The following TNRC6B variants were observed in gnomAD, a reference collection of about 807,000 sequenced individuals.
TNRC6B encodes the protein trinucleotide repeat containing adaptor 6B.
A neutral mutation model predicts 203.6 loss-of-function variants in TNRC6B; 52 were observed. The observed-to-expected ratio is 0.26, with a 90% confidence interval of 0.20 to 0.32. The LOEUF is 0.32. Ranked by LOEUF, TNRC6B falls within the 10% of genes least tolerant of loss-of-function variation. TNRC6B has a pLI of 1.00. For missense variants in TNRC6B, 1,923 were observed against 2,286.2 expected (o/e 0.84, Z 3.24); for synonymous variants, 838 against 845.7 (o/e 0.99, Z 0.16).
At chr22:40,264,107 C>G (rs2070432363) in intron 4 of TNRC6B, among the ~76,000 whole-genome samples, 1 of 152,104 alleles carries the variant, frequency 6.6e-6, no homozygotes, top group South Asian at 2.1e-4. Flanking sequence ...CAGTAGGTGC[C>G]AACGTGAAAT....
At chr22:40,154,081 T>C (rs559044844) in intron 3 of TNRC6B, among the ~76,000 whole-genome samples, 12 of 152,048 alleles carry the variant, frequency 7.9e-5, no homozygotes, top group African/African-American at 2.9e-4. Context: ...ACTCCTAGGC[T>C]CAATTGATTC....
chr22:40,228,553 T>C (rs2069823384), intron 1 of TNRC6B, among the ~76,000 whole-genome samples: 2 of 151,042 alleles, frequency 1.3e-5, no homozygotes, highest in East Asian at 2.0e-4. Context: ...AGAGTCTTGC[T>C]GTGTCGCCCA....
intron 1 of TNRC6B, among the ~76,000 whole-genome samples, chr22:40,207,542 TGA>T (rs1177126472): frequency 2.7e-5 from 4 of 150,884 alleles, no homozygotes; most frequent in Non-Finnish European, 5.9e-5. Flanking sequence ...ATGGCCAAAG[TGA>T]GAGACAAGCT....
rs926450274 is a variant in TNRC6B, at chr22:40,271,664, C to T, written c.2965+1384C>T. On this transcript the variant is annotated intron_variant, in intron 6 of 22. Transcript: ENST00000454349. ...ATCAGACCCTGGGCACAAAGAGATC[C>T]TTTAGCAGTATATTCAGGATTTTCA... Among the ~76,000 whole-genome samples, 22 of 152,146 alleles carry T rather than the reference C, an allele frequency of 1.4e-4. 1 individual carries two copies. The highest frequency in any genetic ancestry group is 1.3e-3 in the Admixed American group (20 of 15,264).
At chr22:40,204,963 A>AT (rs1222547908) in intron 1 of TNRC6B, among the ~76,000 whole-genome samples, 1 of 152,236 alleles carries the variant, frequency 6.6e-6, no homozygotes, top group Non-Finnish European at 1.5e-5. Context: ...GTACAGGTAC[A>AT]TTTTTATCTT....
intron 2 of TNRC6B, among the ~76,000 whole-genome samples, chr22:40,247,246 TG>T (rs1180459193): frequency 6.6e-6 from 1 of 152,118 alleles, no homozygotes; most frequent in Non-Finnish European, 1.5e-5. Context: ...GGGCCTACTG[TG>T]GGAAAGGTTC....
chr22:40,141,159 A>G (rs1365861724), intron 3 of TNRC6B, among the ~76,000 whole-genome samples: 1 of 148,192 alleles, frequency 6.7e-6, no homozygotes, highest in African/African-American at 2.5e-5. Context: ...TATTGAGCAC[A>G]GTGGAGTTAA....
chr22:40,130,779 TAAAAAA>T lies in TNRC6B; in HGVS notation c.45+4936_45+4941del, dbSNP rs200268757. ...GCCTGGGCGACAGGGAGACTCCGTC[TAAAAAA>T]AAAAAAAAAAAAAAAAAATAGTTAA... is the stretch of plus-strand genomic sequence containing the variant. On this transcript the variant is annotated intron_variant, in intron 3 of 23. Transcript: ENST00000301923. Among the ~76,000 whole-genome samples the T allele has an allele frequency of 7.7e-5, 5 of 65,040 alleles. 1 individual carries two copies. Among genetic ancestry groups the T allele is most frequent in the African/African-American group, 2.6e-4 (4 of 15,252 alleles). 42.7% of individuals were successfully genotyped at this position (65,040 alleles called of 152,430 possible).
intron 21 of TNRC6B, among the ~76,000 whole-genome samples, chr22:40,319,412 C>T (rs1400285041): frequency 8.5e-6 from 1 of 118,192 alleles, no homozygotes; most frequent in Non-Finnish European, 2.0e-5. Context: ...GTTGTTATAA[C>T]TTTTCTTTTC....
intron 1 of TNRC6B, among the ~76,000 whole-genome samples, chr22:40,228,342 A>G (rs1368658985): frequency 2.0e-5 from 3 of 151,894 alleles, no homozygotes; most frequent in Admixed American, 2.0e-4. Flanking sequence ...AGGCAGGAGA[A>G]TCGCTTGAAC....
At chr22:40,162,373 C>T (rs1027196458) in intron 4 of TNRC6B, among the ~76,000 whole-genome samples, 1 of 152,152 alleles carries the variant, frequency 6.6e-6, no homozygotes, top group South Asian at 2.1e-4. Context: ...GGATTACAGG[C>T]GTGAGCCACC....
chr22:40,276,871 T>C (rs2070651832), intron 7 of TNRC6B: 1 of 382,666 alleles, frequency 2.6e-6, no homozygotes, highest in East Asian at 3.9e-5. Context: ...TGGTTCAGTG[T>C]GGTGAATTTT....
intron 3 of TNRC6B, among the ~76,000 whole-genome samples, chr22:40,140,994 A>G (rs2068639599): frequency 6.6e-6 from 1 of 152,028 alleles, no homozygotes; most frequent in African/African-American, 2.4e-5. Flanking sequence ...TCATGGTAAG[A>G]TTTTGTCATG....
rs1203608372 is a variant in TNRC6B, at chr22:40,273,406, A to G, written c.2966-19A>G. ...TTTATATAGCTGTTGCAAAGAGTTA[A>G]TTCATTCTTTCCTTAAAGATTCCAA... On this transcript the variant is annotated intron_variant, in intron 6 of 22. Coordinates refer to ENST00000454349, the MANE Select transcript of TNRC6B (RefSeq NM_001162501.2). The G allele has an allele frequency of 6.3e-7, 1 of 1,579,568 alleles. No individual in the cohort carries two copies. The highest frequency in any genetic ancestry group is 2.3e-5 in the East Asian group (1 of 44,148).
In TNRC6B at chr22:40,273,482, G is replaced by C. The variant is rs940813954; in HGVS notation, c.3023G>C (p.Arg1008Pro). 2 of 1,608,418 alleles carry C rather than the reference G, an allele frequency of 1.2e-6. No homozygotes were observed. Among genetic ancestry groups the C allele is most frequent in the Non-Finnish European group, 1.7e-6 (2 of 1,177,386 alleles). The change falls in exon 7 of 23, where the codon CGC (arginine) becomes CCC (proline). Residue 1008 changes from arginine (R) to proline (P), a missense_variant. By Grantham distance (103) the Arg-to-Pro change is moderately radical (BLOSUM62 -2). Coordinates refer to ENST00000454349, the MANE Select transcript of TNRC6B (RefSeq NM_001162501.2). ...AGTGACGGGCCAGTCACAGGAGCTC[G>C]CCATCCCAGCTGGGAAGAGGAGGAG... is the stretch of plus-strand genomic sequence containing the variant. ...GESDGPVTGA[R>P]HPSWEEEEDG...
intron 4 of TNRC6B, among the ~76,000 whole-genome samples, chr22:40,166,511 G>T (rs1353543384): frequency 4.0e-5 from 6 of 150,404 alleles, no homozygotes; most frequent in Non-Finnish European, 8.8e-5. Context: ...AAATAATTCA[G>T]TGCTTCCTAT....
intron 3 of TNRC6B, chr22:40,253,476 A>G: frequency 4.5e-6 from 2 of 442,794 alleles, no homozygotes; most frequent in Non-Finnish European, 9.0e-6. Context: ...AGTCTTAAAA[A>G]TCAAACTTTC....
intron 1 of TNRC6B, among the ~76,000 whole-genome samples, chr22:40,088,173 G>A (rs190239423): frequency 6.6e-6 from 1 of 152,226 alleles, no homozygotes; most frequent in African/African-American, 2.4e-5. Flanking sequence ...CATCCTCACA[G>A]CGACCTTATA....
rs150720692 is a variant in TNRC6B at position 40,195,521 on chromosome 22, G to A, written c.5+17381G>A. On this transcript the variant is annotated intron_variant, in intron 1 of 22. Transcript: ENST00000454349. Reference sequence around the variant, plus strand: ...TCTGTCACCCAGGCTGGAGTGCAATGGCACGATCTTAGCTCACTACAGCCT... The same window carrying A: ...TCTGTCACCCAGGCTGGAGTGCAATAGCACGATCTTAGCTCACTACAGCCT... Among the ~76,000 whole-genome samples, 654 of 152,142 alleles carry A rather than the reference G, an allele frequency of 4.3e-3. 16 individuals carry two copies. Among genetic ancestry groups the A allele is most frequent in the Admixed American group, 0.037 (563 of 15,268 alleles).
Sources: allele counts gnomAD v4.1 joint callset (sites outside exome capture counted in the v4.1 genomes callset), GRCh38; gene constraint gnomAD v4.1.1; transcripts MANE v1.5; gene names NCBI Gene and HGNC (gene_info 2026-07-23, HGNC 2026-07-21).